Variants in HDAC9 observed in about 807,000 individuals in gnomAD.
HDAC9 encodes histone deacetylase 9, also known as MEF-2 interacting transcription repressor (MITR) protein.
In HDAC9, 41 loss-of-function variants were observed where a neutral mutation model predicts 139.4. That is an observed-to-expected ratio of 0.29 (90% CI 0.23 to 0.38). The LOEUF is 0.38. HDAC9 is among the 10% of genes least tolerant of loss of function. The pLI is 1.00. For synonymous variants in HDAC9, 517 were observed against 476.2 expected (o/e 1.09, Z -1.12); for missense variants, 1,147 against 1,297.0 (o/e 0.88, Z 1.78).
intron 21 of HDAC9, among the ~76,000 whole-genome samples, chr7:18,853,023 G>C (rs1355889611): frequency 6.6e-6 from 1 of 152,082 alleles, no homozygotes; most frequent in African/African-American, 2.4e-5. Flanking sequence ...TCTTCTTTTG[G>C]GTTTGGTGTG....
intron 6 of HDAC9, among the ~76,000 whole-genome samples, chr7:18,607,051 G>C (rs1011931027): frequency 4.6e-5 from 7 of 152,032 alleles, no homozygotes; most frequent in Non-Finnish European, 1.5e-5. Flanking sequence ...AACAAACATA[G>C]TAGAAATTAA....
rs1281300888 is a variant in HDAC9, at chr7:18,512,491, G to C, written c.22+16167G>C. ...CATATAAGAAAACTTGATCAGATTT[G>C]AGCGATGCTATGCTCAGGAATAGGA... On this transcript the variant is annotated intron_variant, in intron 2 of 25. Transcript: ENST00000686413. Among the ~76,000 whole-genome samples the C allele has an allele frequency of 2.0e-5, 3 of 152,242 alleles. No homozygotes were observed. The South Asian group carries it at 6.2e-4, about 32-fold the overall frequency.
intron 2 of HDAC9, among the ~76,000 whole-genome samples, chr7:18,222,375 T>A (rs1792763278): frequency 6.6e-6 from 1 of 152,150 alleles, no homozygotes; most frequent in African/African-American, 2.4e-5. Flanking sequence ...CTAAGCAACG[T>A]GTTTTCAAAA....
chr7:18,661,337 T>C (rs1370383637), intron 11 of HDAC9, among the ~76,000 whole-genome samples: 1 of 152,086 alleles, frequency 6.6e-6, no homozygotes, highest in Non-Finnish European at 1.5e-5. Context: ...ATTTTTGAGG[T>C]GTTTAATGTT....
At chr7:18,504,077 A>G (rs539516411) in intron 2 of HDAC9, among the ~76,000 whole-genome samples, 1 of 152,198 alleles carries the variant, frequency 6.6e-6, no homozygotes, top group Non-Finnish European at 1.5e-5. Flanking sequence ...AGGGAACCCC[A>G]TGTAGGGTGA....
intron 6 of HDAC9, among the ~76,000 whole-genome samples, chr7:18,603,924 C>T (rs970172892): frequency 2.0e-5 from 3 of 152,020 alleles, no homozygotes; most frequent in Non-Finnish European, 4.4e-5. Context: ...ATTTTTTTGG[C>T]AACATTTTGT....
Position 18,381,771 on chromosome 7 carries a change from A to G in HDAC9, c.-42+91256A>G, listed in dbSNP as rs554682687. Among the ~76,000 whole-genome samples the G allele has an allele frequency of 9.8e-5, 15 of 152,302 alleles. No homozygotes were observed. In the East Asian group the frequency reaches 1.7e-3, roughly 18 times the overall value. On this transcript the variant is annotated intron_variant, in intron 1 of 3. Transcript: ENST00000413509. ...AATAGGTTGAAGAGTATATTTTAGG[A>G]AAATACATGCTGACAAGAGAGTTCT...
chr7:18,142,998 G>A (rs1202397193), intron 1 of HDAC9, among the ~76,000 whole-genome samples: 1 of 152,200 alleles, frequency 6.6e-6, no homozygotes, highest in Non-Finnish European at 1.5e-5. Flanking sequence ...GGCAGGGGAT[G>A]TCCTTCAGTT....
chr7:18,507,009 G>T (rs1272699708), intron 2 of HDAC9, among the ~76,000 whole-genome samples: 1 of 151,826 alleles, frequency 6.6e-6, no homozygotes, highest in East Asian at 1.9e-4. Flanking sequence ...TCTAAAATTA[G>T]AATTGTGTTT....
rs138992478 is a variant in HDAC9, at chr7:18,414,064, G to A, written c.-41-82198G>A. Among the ~76,000 whole-genome samples, 12 of 152,204 alleles carry A rather than the reference G, an allele frequency of 7.9e-5. No individual in the cohort carries two copies. The East Asian group carries it at 1.3e-3, about 17-fold the overall frequency. ...GGGAAGAAATTATAAGTAAATGAAC[G>A]GCGTTTTAAAACTGAGGTGCTGTAA... On this transcript the variant is annotated intron_variant, in intron 1 of 3. Coordinates refer to the HDAC9 transcript ENST00000413509.
intron 1 of HDAC9, among the ~76,000 whole-genome samples, chr7:18,421,045 T>G (rs1019706172): frequency 6.6e-6 from 1 of 152,218 alleles, no homozygotes; most frequent in South Asian, 2.1e-4. Context: ...GCTTTCATTT[T>G]TACCATTTAA....
chr7:18,832,823 C>T (rs914177126), intron 19 of HDAC9, among the ~76,000 whole-genome samples: 2 of 152,138 alleles, frequency 1.3e-5, no homozygotes, highest in Non-Finnish European at 2.9e-5. Flanking sequence ...GCAACCTCCA[C>T]CTCCCGGGTT....
intron 2 of HDAC9, among the ~76,000 whole-genome samples, chr7:18,165,565 T>C (rs1252566047): frequency 6.6e-6 from 1 of 152,106 alleles, no homozygotes; most frequent in East Asian, 1.9e-4. Context: ...GGTGGGAAGA[T>C]TGCTTGAGCC....
At chr7:18,179,536 C>A (rs1789216673) in intron 2 of HDAC9, among the ~76,000 whole-genome samples, 1 of 151,942 alleles carries the variant, frequency 6.6e-6, no homozygotes, top group South Asian at 2.1e-4. Context: ...TTTGCTTCTA[C>A]CTCTCTTATA....
intron 2 of HDAC9, among the ~76,000 whole-genome samples, chr7:18,256,977 T>C (rs1795288599): frequency 6.6e-6 from 1 of 151,864 alleles, no homozygotes; most frequent in African/African-American, 2.4e-5. Context: ...AGGTCCCAGC[T>C]ACTTGGGAAA....
chr7:18,277,951 T>C (rs1023138079), intron 2 of HDAC9, among the ~76,000 whole-genome samples: 1 of 152,204 alleles, frequency 6.6e-6, no homozygotes, highest in African/African-American at 2.4e-5. Context: ...ATGCAACTAA[T>C]TACCGTTAGT....
At chr7:18,542,032 G>T (rs1479380117) in intron 2 of HDAC9, among the ~76,000 whole-genome samples, 3 of 152,072 alleles carry the variant, frequency 2.0e-5, no homozygotes, top group Non-Finnish European at 4.4e-5. Context: ...AGGATGTTTA[G>T]CAGCGTCTCT....
rs767768880 is a variant in HDAC9 at position 18,836,007 on chromosome 7, T to C, written c.2684+10T>C. On this transcript the variant is annotated intron_variant, in intron 21 of 25. Transcript: ENST00000686413. Reference sequence around the variant, plus strand: ...ACCTTGAAGCATTCAGGTTGGTACTTCTTTCTCTCTGAAAGTGGCAAATTG... The same window carrying C: ...ACCTTGAAGCATTCAGGTTGGTACTCCTTTCTCTCTGAAAGTGGCAAATTG... The C allele has an allele frequency of 1.1e-5, 16 of 1,487,590 alleles. No homozygotes were observed. The highest frequency in any genetic ancestry group is 2.5e-5 in the South Asian group (2 of 79,208). The allele number at this position is 1,487,590 out of a possible 1,614,324, so 92.1% of individuals were successfully genotyped here. A position where few individuals can be genotyped will look rare whatever the true frequency, so the allele number is the denominator to read the frequency against.
chr7:18,646,299 G>A (rs1787384863), intron 9 of HDAC9, among the ~76,000 whole-genome samples: 1 of 151,992 alleles, frequency 6.6e-6, no homozygotes, highest in Non-Finnish European at 1.5e-5. Flanking sequence ...ATGTGGTCAG[G>A]GAAAATTTTT....
Sources: allele counts gnomAD v4.1 joint callset (sites outside exome capture counted in the v4.1 genomes callset), GRCh38; gene constraint gnomAD v4.1.1; transcripts MANE v1.5; gene names NCBI Gene and HGNC (gene_info 2026-07-23, HGNC 2026-07-21).